Variants in PPA1 observed in about 807,000 individuals in gnomAD.
The protein encoded by PPA1 is inorganic pyrophosphatase.
In PPA1, 23 loss-of-function variants were observed where a neutral mutation model predicts 41.8. The observed-to-expected ratio is 0.55, with a 90% CI of 0.40 to 0.78. The LOEUF (loss-of-function observed/expected upper bound fraction) is 0.78. Ranked by LOEUF, PPA1 falls within the 30% of genes least tolerant of loss-of-function variation. The probability of loss-of-function intolerance (pLI) is 0.00; values close to 1 mark genes in which losing one functional copy is unlikely to be tolerated. For missense variants in PPA1, 320 were observed against 361.6 expected (o/e 0.89, Z 0.93); for synonymous variants, 101 against 116.8 (o/e 0.86, Z 0.87).
At chr10:70,219,896 T>A (rs1840118015) in intron 2 of PPA1, among the ~76,000 whole-genome samples, 1 of 152,182 alleles carries the variant, frequency 6.6e-6, no homozygotes, top group South Asian at 2.1e-4. Flanking sequence ...GAACTTTAAC[T>A]GCAGTTTTTC....
At chr10:70,227,650 C>CAAAAAAA (rs11382289) in intron 2 of PPA1, among the ~76,000 whole-genome samples, 4 of 75,122 alleles carry the variant, frequency 5.3e-5, no homozygotes, top group East Asian at 4.3e-4. Flanking sequence ...AACCCTATCT[C>CAAAAAAA]AAAAAAAAAA....
At chr10:70,221,076 A>ATATATATAT (rs1224550178) in intron 2 of PPA1, among the ~76,000 whole-genome samples, 8 of 40,050 alleles carry the variant, frequency 2.0e-4, no homozygotes, top group African/African-American at 1.4e-3. Flanking sequence ...ATATATATAT[A>ATATATATAT]TTTTTTTTTT....
At position 70,210,526 on chromosome 10, in the gene PPA1, A is replaced by G. The variant is rs1348996316; in HGVS notation, c.512-841T>C. On this transcript the variant is annotated intron_variant, in intron 6 of 10. Transcript: ENST00000373232. ...CAGGCACTGTACATAACAATACTTTAGTTCTGGCTGACAGAAAAGTGCACT... is the reference window on the plus strand; with the variant it reads ...CAGGCACTGTACATAACAATACTTTGGTTCTGGCTGACAGAAAAGTGCACT... The G allele has an allele frequency of 3.0e-6, 3 of 1,010,856 alleles. No individual in the cohort carries two copies. In the African/African-American group the frequency reaches 5.3e-5, roughly 18 times the overall value. The allele number at this position is 1,010,856 out of a possible 1,614,324, so 62.6% of individuals were successfully genotyped here.
chr10:70,210,988 CT>C (rs1236276750), intron 6 of PPA1, among the ~76,000 whole-genome samples: 1 of 152,088 alleles, frequency 6.6e-6, no homozygotes, highest in East Asian at 1.9e-4. Context: ...CGGTCTCGAT[CT>C]CCTGACCTCA....
At chr10:70,203,823 G>C (rs1276288976) in intron 10 of PPA1, 1 of 152,444 alleles carries the variant, frequency 6.6e-6, no homozygotes, top group Non-Finnish European at 1.5e-5. Context: ...CTGTGGCCAG[G>C]TGGGAATGTG....
chr10:70,211,218 T>A (rs115809969), intron 6 of PPA1, among the ~76,000 whole-genome samples: 1 of 152,192 alleles, frequency 6.6e-6, no homozygotes, highest in Non-Finnish European at 1.5e-5. Context: ...TGTCACCTGA[T>A]ATAGAAATAA....
chr10:70,232,853 T>TGC (rs1201028844), intron 1 of PPA1, among the ~76,000 whole-genome samples: 2 of 147,490 alleles, frequency 1.4e-5, no homozygotes, highest in African/African-American at 5.4e-5. Flanking sequence ...AGGAAGTCAC[T>TGC]GCCCCCCCCG....
intron 2 of PPA1, among the ~76,000 whole-genome samples, chr10:70,221,802 C>T (rs1229056516): frequency 1.3e-5 from 2 of 152,084 alleles, no homozygotes; most frequent in Non-Finnish European, 2.9e-5. Context: ...TACATTGCTT[C>T]AAGAAAGATA....
intron 8 of PPA1, among the ~76,000 whole-genome samples, chr10:70,206,736 C>CG (rs1839944241): frequency 6.6e-6 from 1 of 150,536 alleles, no homozygotes; most frequent in African/African-American, 2.5e-5. Flanking sequence ...CCCAGCTACT[C>CG]GGGAGGCTGA....
intron 2 of PPA1, among the ~76,000 whole-genome samples, chr10:70,220,622 TTTATATATATATA>T (rs1840134183): frequency 7.4e-4 from 4 of 5,410 alleles, no homozygotes; most frequent in African/African-American, 1.7e-3. Context: ...TTATATATAA[TTTATATATATATA>T]ATATATATAA....
chr10:70,205,437 T>C (rs1213645821), intron 9 of PPA1: 1 of 152,154 alleles, frequency 6.6e-6, no homozygotes, highest in Non-Finnish European at 1.5e-5. Context: ...ATAAGAATGT[T>C]TTTTGAAATA....
chr10:70,227,103 A>G (rs1482176888), intron 2 of PPA1, among the ~76,000 whole-genome samples: 2 of 152,190 alleles, frequency 1.3e-5, no homozygotes, highest in African/African-American at 4.8e-5. Context: ...GTTTTGGAAA[A>G]TTTCTGGTAT....
In PPA1 at chr10:70,233,391, C is replaced by T; in HGVS notation, c.-64G>A. Reference sequence around the variant, plus strand: ...CCAGCCCGCACGCGGCGCCGACTGACAAGGAGAGAGCCCCACGCCTGCGCA... The same window carrying T: ...CCAGCCCGCACGCGGCGCCGACTGATAAGGAGAGAGCCCCACGCCTGCGCA... On this transcript the variant is annotated 5_prime_UTR_variant, in exon 1 of 11. Coordinates refer to ENST00000373232, the MANE Select transcript of PPA1 (RefSeq NM_021129.4). 1 of 1,520,976 alleles carries T rather than the reference C, an allele frequency of 6.6e-7. No individual in the cohort carries two copies. The highest frequency in any genetic ancestry group is 1.4e-5 in the African/African-American group (1 of 70,768). 94.2% of individuals were successfully genotyped at this position (1,520,976 alleles called of 1,614,324 possible). A position where few individuals can be genotyped will look rare whatever the true frequency, so the allele number is the denominator to read the frequency against.
intron 2 of PPA1, among the ~76,000 whole-genome samples, chr10:70,226,939 A>G (rs908286097): frequency 1.3e-5 from 2 of 152,238 alleles, no homozygotes; most frequent in African/African-American, 4.8e-5. Flanking sequence ...ATAGAACCCT[A>G]CATTGTCAGA....
At chr10:70,232,258 G>A (rs1840296496) in intron 1 of PPA1, among the ~76,000 whole-genome samples, 1 of 152,114 alleles carries the variant, frequency 6.6e-6, no homozygotes, top group African/African-American at 2.4e-5. Flanking sequence ...CCAACTCAGA[G>A]TTCGAGGCAC....
At chr10:70,227,652 A>C (rs1840245702) in intron 2 of PPA1, among the ~76,000 whole-genome samples, 1 of 39,468 alleles carries the variant, frequency 2.5e-5, no homozygotes, top group Non-Finnish European at 4.3e-5. Context: ...CCCTATCTCA[A>C]AAAAAAAAAA....
At chr10:70,220,934 CTATATATATAATTTATATATAAT>C (rs1840149394) in intron 2 of PPA1, among the ~76,000 whole-genome samples, 2 of 12,484 alleles carry the variant, frequency 1.6e-4, no homozygotes, top group Non-Finnish European at 3.0e-4. Context: ...TTTATATATA[CTATATATATAATTTATATATAAT>C]ATATATAATT....
intron 4 of PPA1, 21 bp from the exon 5 acceptor site, chr10:70,214,607 A>G (rs1840058527): frequency 1.3e-6 from 2 of 1,577,350 alleles, no homozygotes; most frequent in Non-Finnish European, 1.7e-6. Context: ...AAGACAGTGT[A>G]TATCATTCCT....
intron 2 of PPA1, among the ~76,000 whole-genome samples, chr10:70,220,580 TA>T (rs1487961466): frequency 1.2e-4 from 6 of 51,474 alleles, no homozygotes; most frequent in Non-Finnish European, 1.5e-4. Context: ...ATAATATATA[TA>T]ATTATATATT....
Sources: gnomAD v4.1 joint callset for allele counts (sites outside exome capture counted in the v4.1 genomes callset) on GRCh38, gnomAD v4.1.1 for gene constraint, MANE v1.5 for transcripts, NCBI Gene and HGNC (gene_info 2026-07-23, HGNC 2026-07-21) for gene names.